CCBE1: variants seen among roughly 807,000 people sequenced by gnomAD.
The protein encoded by CCBE1 is collagen and calcium-binding EGF domain-containing protein 1.
CCBE1 carries 37 observed loss-of-function variants against 50.0 expected under a neutral mutation model. The ratio of observed to expected loss-of-function variants is 0.74; its 90% CI spans 0.57 to 0.97. The LOEUF is 0.97. CCBE1 is among the 50% of genes least tolerant of loss of function. The probability of loss-of-function intolerance (pLI) is 0.00; values close to 1 mark genes in which losing one functional copy is unlikely to be tolerated. For missense variants in CCBE1, 538 were observed against 523.8 expected (o/e 1.03, Z -0.26); for synonymous variants, 234 against 203.7 (o/e 1.15, Z -1.27).
chr18:59,691,640 G>A (rs1048618886), intron 2 of CCBE1, among the ~76,000 whole-genome samples: 2 of 152,124 alleles, frequency 1.3e-5, no homozygotes, highest in African/African-American at 2.4e-5. Context: ...TCCTGACCTC[G>A]TGATCTGCCT....
chr18:59,590,964 G>T lies in CCBE1; in HGVS notation c.212+105665C>A, dbSNP rs1237206172. Among the ~76,000 whole-genome samples the T allele has an allele frequency of 2.0e-5, 2 of 98,092 alleles. 1 individual carries two copies. Among genetic ancestry groups the T allele is most frequent in the African/African-American group, 1.2e-4 (2 of 16,162 alleles). The allele number at this position is 98,092 out of a possible 152,430, so 64.4% of individuals were successfully genotyped here. On this transcript the variant is annotated intron_variant, in intron 2 of 10. Transcript: ENST00000439986. Reference sequence around the variant, plus strand: ...CTGGGCATAAAAAGCTGCTAAGTAGGCCGGGCGCGGTGGCTCACGCTTGTA... The same window carrying T: ...CTGGGCATAAAAAGCTGCTAAGTAGTCCGGGCGCGGTGGCTCACGCTTGTA...
chr18:59,645,636 C>T (rs898457995), intron 2 of CCBE1, among the ~76,000 whole-genome samples: 7 of 152,126 alleles, frequency 4.6e-5, no homozygotes, highest in South Asian at 2.1e-4. Context: ...TGAACTAGGA[C>T]AAAAATAATC....
rs1285278563 is a variant in CCBE1 at position 59,697,395 on chromosome 18, C to T, written c.-53G>A. The T allele has an allele frequency of 2.6e-5, 40 of 1,521,914 alleles. No individual in the cohort carries two copies. Among genetic ancestry groups the T allele is most frequent in the Non-Finnish European group, 3.5e-5 (40 of 1,135,976 alleles). 94.3% of individuals were successfully genotyped at this position (1,521,914 alleles called of 1,614,324 possible). On this transcript the variant is annotated 5_prime_UTR_variant, in exon 1 of 11. Coordinates refer to ENST00000439986, the MANE Select transcript of CCBE1 (RefSeq NM_133459.4). The stretch of plus-strand genomic sequence containing the variant: ...GCCGAGCTCCGTCCGGACCAAGCGT[C>T]CTGCTCCTCCGCGGCCGCCGCCGCC...
chr18:59,512,707 C>T (rs779337339), intron 2 of CCBE1, among the ~76,000 whole-genome samples: 1 of 152,222 alleles, frequency 6.6e-6, no homozygotes, highest in African/African-American at 2.4e-5. Context: ...AAACAGCACA[C>T]TGTCTGCTAG....
At chr18:59,637,633 G>A in intron 2 of CCBE1, among the ~76,000 whole-genome samples, 1 of 152,136 alleles carries the variant, frequency 6.6e-6, no homozygotes, top group East Asian at 1.9e-4. Context: ...ACAAAAAGAT[G>A]ACAATATTAG....
chr18:59,559,181 G>A (rs978937446), intron 2 of CCBE1, among the ~76,000 whole-genome samples: 1 of 152,224 alleles, frequency 6.6e-6, no homozygotes, highest in Non-Finnish European at 1.5e-5. Flanking sequence ...TCTCCTGCAA[G>A]TGTGGAGATG....
intron 2 of CCBE1, among the ~76,000 whole-genome samples, chr18:59,588,275 A>C (rs144078938): frequency 2.2e-4 from 33 of 152,314 alleles, no homozygotes; most frequent in South Asian, 2.1e-4. Flanking sequence ...TAAGAGGTAA[A>C]TATTGGCTGG....
chr18:59,502,227 G>A (rs1465528538), intron 2 of CCBE1, among the ~76,000 whole-genome samples: 3 of 152,184 alleles, frequency 2.0e-5, no homozygotes, highest in Admixed American at 6.5e-5. Flanking sequence ...TGTGGGCAGT[G>A]CTCAGCACCG....
At chr18:59,631,534 T>G (rs1168053481) in intron 2 of CCBE1, among the ~76,000 whole-genome samples, 1 of 152,172 alleles carries the variant, frequency 6.6e-6, no homozygotes, top group Non-Finnish European at 1.5e-5. Flanking sequence ...TAATGCTAGA[T>G]GTCAAAGGCC....
intron 2 of CCBE1, among the ~76,000 whole-genome samples, chr18:59,492,287 G>A (rs1398994393): frequency 1.3e-5 from 2 of 151,536 alleles, no homozygotes; most frequent in Non-Finnish European, 2.9e-5. Context: ...TACAACAGCT[G>A]CGTTTTCAGG....
rs112984702 is a variant in CCBE1 at position 59,501,896 on chromosome 18, T to C, written c.213-21658A>G. Among the ~76,000 whole-genome samples the C allele has an allele frequency of 5.8e-4, 88 of 152,278 alleles. 1 individual carries two copies. The highest frequency in any genetic ancestry group is 1.9e-3 in the African/African-American group (81 of 41,562). The stretch of plus-strand genomic sequence containing the variant: ...ATCGTAGCTTAATGCAGCCTTGACC[T>C]TCTGGACTCCCCTCACCTCAGCCTT... On this transcript the variant is annotated intron_variant, in intron 2 of 10. Transcript: ENST00000439986.
chr18:59,546,533 A>T (rs964419), intron 2 of CCBE1, among the ~76,000 whole-genome samples: 1 of 152,158 alleles, frequency 6.6e-6, no homozygotes, highest in Non-Finnish European at 1.5e-5. Context: ...AGGAAAGGCC[A>T]TATGAAGAAA....
chr18:59,564,678 A>T (rs1042687612), intron 2 of CCBE1, among the ~76,000 whole-genome samples: 1 of 152,252 alleles, frequency 6.6e-6, no homozygotes, highest in African/African-American at 2.4e-5. Flanking sequence ...CATCTGGCAC[A>T]GTCTTCCGGA....
chr18:59,649,975 C>T (rs1425225433), intron 2 of CCBE1, among the ~76,000 whole-genome samples: 1 of 152,114 alleles, frequency 6.6e-6, no homozygotes, highest in South Asian at 2.1e-4. Flanking sequence ...CCCAGACAGG[C>T]CTTCCCCACT....
chr18:59,536,489 A>G (rs1915254118), intron 2 of CCBE1, among the ~76,000 whole-genome samples: 3 of 152,216 alleles, frequency 2.0e-5, no homozygotes, highest in Admixed American at 1.3e-4. Flanking sequence ...AAAGATTTCT[A>G]TGTTCAAAGG....
chr18:59,604,438 G>GA lies in CCBE1; in HGVS notation c.212+92190dup, dbSNP rs1300839857. On this transcript the variant is annotated intron_variant, in intron 2 of 10. Coordinates refer to ENST00000439986, the MANE Select transcript of CCBE1 (RefSeq NM_133459.4). ...ACATAGAACAGAGATACCTATCCAG[G>GA]AAAAAAAAGCAGATGAGGGTCTCAA... 3.3e-5 allele frequency among the ~76,000 whole-genome samples: 5 copies of GA among 151,598 alleles called. No individual in the cohort carries two copies. The East Asian group carries it at 7.7e-4, about 23-fold the overall frequency.
chr18:59,480,076 C>T, intron 3 of CCBE1, 110 bp downstream of exon 3: 3 of 784,698 alleles, frequency 3.8e-6, no homozygotes, highest in Non-Finnish European at 2.1e-6. Context: ...GACAGATACA[C>T]AGATAATCAG....
intron 2 of CCBE1, among the ~76,000 whole-genome samples, chr18:59,539,186 C>A (rs538642342): frequency 3.8e-5 from 5 of 132,286 alleles, no homozygotes; most frequent in East Asian, 5.1e-4. Flanking sequence ...ATTTAAAAAA[C>A]ACACACACAC....
chr18:59,583,678 TGTGCGCGCGCGCGCGC>T (rs1338022199), intron 2 of CCBE1, among the ~76,000 whole-genome samples: 2 of 58,562 alleles, frequency 3.4e-5, no homozygotes, highest in Non-Finnish European at 6.9e-5. Flanking sequence ...TGTGTGTGTG[TGTGCGCGCGCGCGCGC>T]GCGCGCGTGT....
Sources: gnomAD v4.1 joint callset for allele counts (sites outside exome capture counted in the v4.1 genomes callset) on GRCh38, gnomAD v4.1.1 for gene constraint, MANE v1.5 for transcripts, NCBI Gene and HGNC (gene_info 2026-07-23, HGNC 2026-07-21) for gene names.